The following CNTN3 variants were observed in gnomAD, a reference collection of about 807,000 sequenced individuals.
The protein encoded by CNTN3 is contactin-3.
In CNTN3, 60 loss-of-function variants were observed where a neutral mutation model predicts 119.1. That is an observed-to-expected ratio of 0.50 (90% CI 0.41 to 0.62). The LOEUF (loss-of-function observed/expected upper bound fraction) is 0.62, where lower values mean the gene tolerates loss of function less well. CNTN3 is among the 20% of genes least tolerant of loss of function. The probability of loss-of-function intolerance (pLI) is 0.00; values close to 1 mark genes in which losing one functional copy is unlikely to be tolerated. For missense variants in CNTN3, 1,101 were observed against 1,242.4 expected, an observed-to-expected ratio of 0.89 and a Z score of 1.71; for synonymous variants, 450 against 438.7, an observed-to-expected ratio of 1.03 and a Z score of -0.32.
chr3:74,279,976 A>G (rs1479714978), intron 20 of CNTN3, among the ~76,000 whole-genome samples: 1 of 152,136 alleles, frequency 6.6e-6, no homozygotes, highest in Non-Finnish European at 1.5e-5. Context: ...ACTATAGTCA[A>G]TAATAACTGT....
intron 1 of CNTN3, among the ~76,000 whole-genome samples, chr3:74,542,865 T>C (rs1341610240): frequency 1.3e-5 from 2 of 152,172 alleles, no homozygotes; most frequent in African/African-American, 2.4e-5. Flanking sequence ...TGGCCTGTTA[T>C]CCCAGCATTT....
At chr3:74,428,975 A>G (rs1451607348) in intron 4 of CNTN3, among the ~76,000 whole-genome samples, 2 of 152,194 alleles carry the variant, frequency 1.3e-5, no homozygotes, top group African/African-American at 4.8e-5. Context: ...CCTAGCAGCA[A>G]TAGGCTATAC....
intron 1 of CNTN3, among the ~76,000 whole-genome samples, chr3:74,610,264 A>C (rs536923751): frequency 3.3e-5 from 5 of 152,160 alleles, no homozygotes; most frequent in East Asian, 3.9e-4. Flanking sequence ...TCGAGGTTCC[A>C]GTGAACCATG....
chr3:74,287,842 T>C, intron 19 of CNTN3, among the ~76,000 whole-genome samples: 1 of 152,158 alleles, frequency 6.6e-6, no homozygotes, highest in African/African-American at 2.4e-5. Flanking sequence ...TAATAAAGAA[T>C]ACAGCACCAT....
chr3:74,364,994 A>G (rs1277621297), intron 9 of CNTN3, among the ~76,000 whole-genome samples: 1 of 152,162 alleles, frequency 6.6e-6, no homozygotes, highest in Non-Finnish European at 1.5e-5. Context: ...TGCAAGTTAA[A>G]AACATTATCA....
At chr3:74,448,127 A>T (rs1702082598) in intron 4 of CNTN3, among the ~76,000 whole-genome samples, 1 of 152,176 alleles carries the variant, frequency 6.6e-6, no homozygotes, top group African/African-American at 2.4e-5. Context: ...ACTCAATATG[A>T]TTCATGGATT....
At chr3:74,611,128 TA>T (rs1485020968) in intron 1 of CNTN3, among the ~76,000 whole-genome samples, 2 of 152,186 alleles carry the variant, frequency 1.3e-5, no homozygotes, top group Non-Finnish European at 2.9e-5. Context: ...ACAACATAGA[TA>T]ATCTATGTCT....
At chr3:74,585,377 C>A (rs1029625112) in intron 1 of CNTN3, among the ~76,000 whole-genome samples, 1 of 152,086 alleles carries the variant, frequency 6.6e-6, no homozygotes, top group African/African-American at 2.4e-5. Context: ...TAAGCCCAAA[C>A]TCCATGGATT....
chr3:74,322,169 C>CAAAAAAAAA (rs35201394), intron 13 of CNTN3, among the ~76,000 whole-genome samples: 1 of 94,178 alleles, frequency 1.1e-5, no homozygotes, highest in Admixed American at 1.1e-4. Flanking sequence ...CTGGGTGACT[C>CAAAAAAAAA]AAAAAAAAAA....
chr3:74,292,020 C>T (rs933974964), intron 19 of CNTN3, among the ~76,000 whole-genome samples: 1 of 152,152 alleles, frequency 6.6e-6, no homozygotes, highest in Non-Finnish European at 1.5e-5. Context: ...TCCTCAGTTG[C>T]AATTTTCCTC....
At chr3:74,371,538 A>G (rs1704339507) in intron 5 of CNTN3, 139 bp from the exon 6 acceptor site, 4 of 628,868 alleles carry the variant, frequency 6.4e-6, no homozygotes, top group Non-Finnish European at 1.1e-5. Context: ...GAAGAGAAGC[A>G]GTTAAGTGAA....
intron 1 of CNTN3, among the ~76,000 whole-genome samples, chr3:74,572,022 C>A (rs1342191969): frequency 6.6e-6 from 1 of 152,076 alleles, no homozygotes; most frequent in African/African-American, 2.4e-5. Context: ...TGGCTCCAAG[C>A]CTTTGCAACT....
intron 1 of CNTN3, among the ~76,000 whole-genome samples, chr3:74,525,710 T>C (rs1172131196): frequency 1.3e-5 from 2 of 151,910 alleles, no homozygotes; most frequent in African/African-American, 4.8e-5. Context: ...TGGCAATCTT[T>C]AAATAGCCCC....
chr3:74,398,262 C>A (rs947856189), intron 5 of CNTN3, among the ~76,000 whole-genome samples: 1 of 152,144 alleles, frequency 6.6e-6, no homozygotes, highest in African/African-American at 2.4e-5. Flanking sequence ...ACTTCACTGT[C>A]GTCTTATTTT....
intron 1 of CNTN3, among the ~76,000 whole-genome samples, chr3:74,523,203 G>T (rs1333202948): frequency 6.6e-6 from 1 of 151,676 alleles, no homozygotes; most frequent in Admixed American, 6.6e-5. Flanking sequence ...ATTTATAACT[G>T]GCAGCCATAG....
chr3:74,483,398 GA>G (rs1164211644), intron 4 of CNTN3, among the ~76,000 whole-genome samples: 1 of 152,080 alleles, frequency 6.6e-6, no homozygotes, highest in African/African-American at 2.4e-5. Flanking sequence ...TCTATTGGGA[GA>G]GGCAATCTTC....
chr3:74,467,541 A>C (rs1575755430), intron 4 of CNTN3, among the ~76,000 whole-genome samples: 1 of 152,208 alleles, frequency 6.6e-6, no homozygotes, highest in East Asian at 1.9e-4. Context: ...GAAATTACAG[A>C]ATATTTTTAG....
At chr3:74,453,363 T>A (rs558053356) in intron 4 of CNTN3, among the ~76,000 whole-genome samples, 335 of 152,202 alleles carry the variant, frequency 2.2e-3, no homozygotes, top group Middle Eastern at 0.01. Context: ...GGTGGTGATA[T>A]CCCCTTTATC....
intron 20 of CNTN3, among the ~76,000 whole-genome samples, chr3:74,281,437 G>A (rs945572123): frequency 2.0e-5 from 3 of 151,950 alleles, no homozygotes; most frequent in Non-Finnish European, 2.9e-5. Flanking sequence ...TAGGCTCAAG[G>A]AATCCTCCCA....
Sources: allele counts gnomAD v4.1 joint callset (sites outside exome capture counted in the v4.1 genomes callset), GRCh38; gene constraint gnomAD v4.1.1; transcripts MANE v1.5; gene names NCBI Gene and HGNC (gene_info 2026-07-23, HGNC 2026-07-21).